DGKA: variants seen among roughly 807,000 people sequenced by gnomAD.
DGKA encodes the protein 80 kDa diacylglycerol kinase.
In DGKA, 35 loss-of-function variants were observed where a neutral mutation model predicts 105.0. The observed-to-expected ratio is 0.33, with a 90% confidence interval of 0.25 to 0.44. The LOEUF (loss-of-function observed/expected upper bound fraction) is 0.44, where lower values mean the gene tolerates loss of function less well. Among genes scored for constraint, DGKA ranks in the 20% least tolerant of loss-of-function variants. The probability of loss-of-function intolerance (pLI) is 1.00; values close to 1 mark genes in which losing one functional copy is unlikely to be tolerated. For missense variants in DGKA, 665 were observed against 915.0 expected (o/e 0.73, Z 3.53); for synonymous variants, 296 against 332.0 (o/e 0.89, Z 1.18).
chr12:55,933,893 T>C (rs1353010123), intron 1 of DGKA, among the ~76,000 whole-genome samples: 3 of 152,236 alleles, frequency 2.0e-5, no homozygotes, highest in Non-Finnish European at 4.4e-5. Context: ...CTGATGTTCA[T>C]TGAGTTCTTA....
chr12:55,927,826 C>T (rs1000995049), upstream of DGKA: 6 of 1,514,154 alleles, frequency 4.0e-6, no homozygotes, highest in African/African-American at 2.8e-5. Context: ...CGCTGGGCGG[C>T]GCCGGGGATT....
In DGKA at chr12:55,952,851, G is replaced by GA; in HGVS notation, c.1862dup (p.Asp621GlufsTer14). 1 of 1,614,142 alleles carries GA rather than the reference G, an allele frequency of 6.2e-7. No homozygotes were observed. Among genetic ancestry groups the GA allele is most frequent in the Non-Finnish European group, 8.5e-7 (1 of 1,180,008 alleles). On this transcript the variant is annotated frameshift_variant, in exon 21 of 24. Coordinates refer to ENST00000331886, the MANE Select transcript of DGKA (RefSeq NM_001345.5). LOFTEE classifies it high-confidence loss of function. This position sits in a 1 kb window ranked among gnomAD's most constrained non-coding sequence, Gnocchi z 5.1. Reference sequence around the variant, plus strand: ...GGGTGATACCAGGAGACCCCATGGGGATATCTATGGGATCAACCAGGCCTT... The same window carrying GA: ...GGGTGATACCAGGAGACCCCATGGGGAATATCTATGGGATCAACCAGGCCTT...
At chr12:55,946,171 C>CT (rs35710124) in intron 17 of DGKA, among the ~76,000 whole-genome samples, 9,551 of 147,430 alleles carry the variant, frequency 0.065, 1,038 homozygotes, top group African/African-American at 0.22. Flanking sequence ...CTTTCTTCTT[C>CT]TTTTTTTTTT....
At chr12:55,927,889 C>T (rs926708051), upstream of DGKA, 23 of 1,241,872 alleles carry the variant, frequency 1.9e-5, no homozygotes, top group East Asian at 2.6e-5. Context: ...CCTCCTAACC[C>T]TGAGTGCCTC....
intron 1 of DGKA, among the ~76,000 whole-genome samples, chr12:55,934,921 AG>A (rs2136296021): frequency 6.6e-6 from 1 of 152,302 alleles, no homozygotes; most frequent in Admixed American, 6.5e-5. Context: ...TGCTTTGAGC[AG>A]GGGAGAGCTT....
intron 17 of DGKA, among the ~76,000 whole-genome samples, chr12:55,943,719 A>C (rs1202322485): frequency 6.6e-6 from 1 of 152,128 alleles, no homozygotes; most frequent in African/African-American, 2.4e-5. Flanking sequence ...AAAAGATGTA[A>C]CTAAAAGAAC....
At position 55,940,224 on chromosome 12, in the gene DGKA, C is replaced by G. The variant is rs771871498; in HGVS notation, c.798+54C>G. 1.9e-6 allele frequency: 3 copies of G among 1,614,036 alleles called. No homozygotes were observed. Among genetic ancestry groups the G allele is most frequent in the Non-Finnish European group, 2.5e-6 (3 of 1,179,878 alleles). On this transcript the variant is annotated intron_variant, in intron 10 of 23. Coordinates refer to ENST00000331886, the MANE Select transcript of DGKA (RefSeq NM_001345.5). The surrounding 1 kb of genome is among the most constrained non-coding windows in gnomAD (Gnocchi z 4.3). Reference sequence around the variant, plus strand: ...CATCACCTACATCCTGGCCCTGGCCCTGGCCCTTGGCCCATTGCTGCCCTC... The same window carrying G: ...CATCACCTACATCCTGGCCCTGGCCGTGGCCCTTGGCCCATTGCTGCCCTC...
At position 55,939,584 on chromosome 12, in the gene DGKA, G is replaced by A. The variant is rs556057374; in HGVS notation, c.709+55G>A. 75 of 1,556,860 alleles carry A rather than the reference G, an allele frequency of 4.8e-5. No individual in the cohort carries two copies. The African/African-American group carries it at 8.3e-4, about 17-fold the overall frequency. ...AGAGGGTCAGCCCAGCTATCTGTGG[G>A]AGCTTGATGCTGTAAACTTAGAAAA... On this transcript the variant is annotated intron_variant, in intron 9 of 23. Transcript: ENST00000331886.
At chr12:55,950,211 G>A (rs1175500471) in intron 17 of DGKA, among the ~76,000 whole-genome samples, 2 of 151,992 alleles carry the variant, frequency 1.3e-5, no homozygotes, top group Non-Finnish European at 2.9e-5. Flanking sequence ...CTGACCTGGT[G>A]ATCTGCCCTC....
chr12:55,937,676 G>A, intron 4 of DGKA, 133 bp downstream of exon 4: 1 of 1,232,008 alleles, frequency 8.1e-7, no homozygotes, highest in South Asian at 1.4e-5. Context: ...AGTCAGGCTG[G>A]TCTAGGAGCT....
chr12:55,935,833 C>T, intron 1 of DGKA: 1 of 969,540 alleles, frequency 1.0e-6, no homozygotes, highest in Non-Finnish European at 1.2e-6. Flanking sequence ...CTGTGTCGCG[C>T]GTCAGAAGCG....
At chr12:55,936,774 T>G in intron 2 of DGKA, 2 of 883,932 alleles carry the variant, frequency 2.3e-6, no homozygotes, top group African/African-American at 1.6e-5. Flanking sequence ...CTGGGCTGCA[T>G]TGTGCAAGGT....
At chr12:55,929,780 G>T (rs981047430), upstream of DGKA, 1 of 152,134 alleles carries the variant, frequency 6.6e-6, no homozygotes, top group Admixed American at 6.5e-5. Flanking sequence ...ACTGACTTGG[G>T]GTATGATGGA....
chr12:55,937,939 G>A (rs1238776800), intron 4 of DGKA, 39 bp from the exon 5 acceptor site: 1 of 1,572,260 alleles, frequency 6.4e-7, no homozygotes, highest in Non-Finnish European at 8.8e-7. Flanking sequence ...AGCCAAAGTG[G>A]AGGGAGCCCT....
At chr12:55,934,963 T>C (rs1267706968) in intron 1 of DGKA, among the ~76,000 whole-genome samples, 1 of 151,966 alleles carries the variant, frequency 6.6e-6, no homozygotes, top group Admixed American at 6.6e-5. Context: ...AGGAGCACAG[T>C]GAGACCAGAT....
At chr12:55,927,999 G>C, upstream of DGKA, 1 of 548,452 alleles carries the variant, frequency 1.8e-6, no homozygotes, top group Non-Finnish European at 3.2e-6. Flanking sequence ...GATCTAAAGC[G>C]GGGCAACTCG....
intron 17 of DGKA, among the ~76,000 whole-genome samples, chr12:55,943,974 A>C (rs1372833468): frequency 6.6e-6 from 1 of 152,132 alleles, no homozygotes; most frequent in Non-Finnish European, 1.5e-5. Flanking sequence ...GAATCATGAC[A>C]ATAAGGATAT....
At chr12:55,934,545 T>C (rs548073110) in intron 1 of DGKA, among the ~76,000 whole-genome samples, 2 of 152,294 alleles carry the variant, frequency 1.3e-5, no homozygotes, top group Non-Finnish European at 2.9e-5. Flanking sequence ...GAGAAAGTTC[T>C]TGCATCATCA....
chr12:55,947,800 A>AT (rs908481176), intron 17 of DGKA, among the ~76,000 whole-genome samples: 3 of 151,862 alleles, frequency 2.0e-5, no homozygotes, highest in African/African-American at 4.8e-5. Context: ...TATTTTATTT[A>AT]TTTTTTTGAG....
Sources: gnomAD v4.1 joint callset for allele counts (sites outside exome capture counted in the v4.1 genomes callset) on GRCh38, gnomAD v4.1.1 for gene constraint, Gnocchi (gnomAD v3.1) non-coding constraint, MANE v1.5 for transcripts, NCBI Gene and HGNC (gene_info 2026-07-23, HGNC 2026-07-21) for gene names.